The following TRIOBP variants were observed in gnomAD, a reference collection of about 807,000 sequenced individuals.
TRIOBP encodes TRIO and F-actin binding protein.
A neutral mutation model predicts 238.8 loss-of-function variants in TRIOBP; 169 were observed. The ratio of observed to expected loss-of-function variants is 0.71; its 90% confidence interval spans 0.62 to 0.80. The LOEUF (loss-of-function observed/expected upper bound fraction) is 0.80. Ranked by LOEUF, TRIOBP falls within the 30% of genes least tolerant of loss-of-function variation. The probability of loss-of-function intolerance (pLI) is 0.00; values close to 1 mark genes in which losing one functional copy is unlikely to be tolerated. For missense variants in TRIOBP, 2,838 were observed against 3,122.6 expected (o/e 0.91, Z 2.17); for synonymous variants, 1,150 against 1,274.4 (o/e 0.90, Z 2.08).
chr22:37,706,364 A>C (rs1463514612), intron 3 of TRIOBP, among the ~76,000 whole-genome samples: 3 of 152,144 alleles, frequency 2.0e-5, no homozygotes, highest in Non-Finnish European at 4.4e-5. Context: ...TCTGTGGAAG[A>C]AAGTGTGGAA....
chr22:37,740,001 T>C (rs1924858579), intron 10 of TRIOBP, among the ~76,000 whole-genome samples: 2 of 152,208 alleles, frequency 1.3e-5, no homozygotes, highest in African/African-American at 4.8e-5. Context: ...AGTGAGCACC[T>C]TCTGTATACC....
intron 21 of TRIOBP, among the ~76,000 whole-genome samples, chr22:37,770,936 C>T (rs1330271496): frequency 1.3e-5 from 2 of 152,280 alleles, no homozygotes; most frequent in African/African-American, 4.8e-5. Flanking sequence ...CCCGCCTCTG[C>T]CTCCCAAAGT....
chr22:37,766,820 G>A (rs1303172101), intron 18 of TRIOBP, among the ~76,000 whole-genome samples: 2 of 151,982 alleles, frequency 1.3e-5, no homozygotes, highest in Non-Finnish European at 2.9e-5. Flanking sequence ...AATTAGCTGG[G>A]CGTGATGGTG....
rs1236092093 is a variant in TRIOBP at position 37,723,279 on chromosome 22, C to G, written c.723C>G (p.Thr241=). ...TGGAGCGGCACCGGTCAACACTGAC[C>G]CAGGCTTCCTCCATGACACCACACA... ...LSLERHRSTL[T]QASSMTPHSG... is the part of the protein sequence containing the mutation. The change falls in exon 7 of 24, where the codon ACC becomes ACG. Residue 241 remains threonine, a synonymous_variant. Coordinates refer to ENST00000644935, the MANE Select transcript of TRIOBP (RefSeq NM_001039141.3). 15 of 1,614,058 alleles carry G rather than the reference C, an allele frequency of 9.3e-6. No individual in the cohort carries two copies. Among genetic ancestry groups the G allele is most frequent in the Non-Finnish European group, 1.2e-5 (14 of 1,179,986 alleles).
Position 37,725,573 on chromosome 22 carries a change from C to T in TRIOBP, c.3017C>T (p.Ser1006Phe). 7 of 1,613,862 alleles carry T rather than the reference C, an allele frequency of 4.3e-6. No homozygotes were observed. The highest frequency in any genetic ancestry group is 5.9e-6 in the Non-Finnish European group (7 of 1,179,996). Residue 1006 changes from serine (S) to phenylalanine (F), a missense_variant, in exon 7 of 24, where the codon TCT (serine) becomes TTT (phenylalanine). By Grantham distance (155) the Ser-to-Phe change is radical. Transcript: ENST00000644935. ...GCTGCCTATGGGGCTCCCCTGACCT[C>T]TCCTGAGCCCTCCCAGCCTCCATGT... The part of the protein sequence containing the change: ...YPAAYGAPLT[S>F]PEPSQPPCAV...
intron 6 of TRIOBP, among the ~76,000 whole-genome samples, chr22:37,716,778 C>T (rs560609469): frequency 1.3e-5 from 2 of 152,300 alleles, no homozygotes; most frequent in African/African-American, 4.8e-5. Flanking sequence ...TAAACCTGTG[C>T]CTCAGGAAGT....
intron 2 of TRIOBP, among the ~76,000 whole-genome samples, chr22:37,698,024 C>T (rs1922439418): frequency 6.6e-6 from 1 of 151,642 alleles, no homozygotes; most frequent in Non-Finnish European, 1.5e-5. Flanking sequence ...ATGGTGAAAC[C>T]TCGTCTCTAC....
At chr22:37,733,245 G>A (rs1924508484) in intron 7 of TRIOBP, 53 bp from the exon 8 acceptor site, 7 of 1,385,424 alleles carry the variant, frequency 5.1e-6, no homozygotes, top group South Asian at 1.2e-5. Flanking sequence ...CAGAGGGGCT[G>A]GGGTGCTGGG....
chr22:37,732,796 C>T lies in TRIOBP; in HGVS notation c.3948-502C>T, dbSNP rs73409486. 3.0e-3 allele frequency among the ~76,000 whole-genome samples: 454 copies of T among 152,294 alleles called. 3 individuals are homozygous for T. Among genetic ancestry groups the T allele is most frequent in the African/African-American group, 0.01 (435 of 41,564 alleles). Reference sequence around the variant, plus strand: ...CTCTGTCGTCCCACCTCGTGGGCTGCGATCATGATACAAGTGCTTGGCCCC... The same window carrying T: ...CTCTGTCGTCCCACCTCGTGGGCTGTGATCATGATACAAGTGCTTGGCCCC... On this transcript the variant is annotated intron_variant, in intron 7 of 23. Coordinates refer to ENST00000644935, the MANE Select transcript of TRIOBP (RefSeq NM_001039141.3).
Position 37,757,986 on chromosome 22 carries a change from C to G in TRIOBP, c.6061C>G (p.Arg2021Gly), listed in dbSNP as rs1350119849. ...CCCCCTGACTGAGGACCAGCAAAAC[C>G]GGCTTAGTGAGGAGATCGAGAAGAA... Reference protein sequence around the residue: ...GAPLTEDQQNRLSEEIEKKWQ... With the variant: ...GAPLTEDQQNGLSEEIEKKWQ... The change falls in exon 16 of 24, where the codon CGG becomes GGG. Residue 2021 changes from arginine to glycine, a missense_variant. Around this residue, in one of 5 missense-constraint regions of TRIOBP, gnomAD observed 2,096 missense variants for 2,137.4 expected, o/e 0.98. Coordinates refer to ENST00000644935, the MANE Select transcript of TRIOBP (RefSeq NM_001039141.3). 1 of 1,591,526 alleles carries G rather than the reference C, an allele frequency of 6.3e-7. No homozygotes were observed.
Position 37,725,377 on chromosome 22 carries a change from C to T in TRIOBP, c.2821C>T (p.Pro941Ser), listed in dbSNP as rs1924082853. 4 of 1,612,364 alleles carry T rather than the reference C, an allele frequency of 2.5e-6. No homozygotes were observed. Among genetic ancestry groups the T allele is most frequent in the African/African-American group, 1.3e-5 (1 of 74,880 alleles). Reference protein sequence around the residue: ...EVPWASIALRPTQGDRPQTSS... With the variant: ...EVPWASIALRSTQGDRPQTSS... Reference sequence around the variant, plus strand: ...TCCCTGGGCATCCATCGCCCTCCGGCCAACCCAAGGTGACAGGCCTCAGAC... The same window carrying T: ...TCCCTGGGCATCCATCGCCCTCCGGTCAACCCAAGGTGACAGGCCTCAGAC... Residue 941 changes from proline to serine, a missense_variant, in exon 7 of 24, where the codon CCA becomes TCA. Transcript: ENST00000644935.
At chr22:37,757,000 C>G (rs945564292) in intron 15 of TRIOBP, among the ~76,000 whole-genome samples, 3 of 152,170 alleles carry the variant, frequency 2.0e-5, no homozygotes, top group South Asian at 2.1e-4. Flanking sequence ...GTTCGCCCAC[C>G]CTGTCCTCAC....
At chr22:37,767,294 G>A (rs1201617223) in intron 18 of TRIOBP, among the ~76,000 whole-genome samples, 2 of 62,852 alleles carry the variant, frequency 3.2e-5, no homozygotes, top group Non-Finnish European at 7.6e-5. Flanking sequence ...GACAGAGTGA[G>A]ACTCTGTCTC....
intron 22 of TRIOBP, 168 bp downstream of exon 22, chr22:37,771,904 C>T (rs1401505506): frequency 1.4e-6 from 1 of 719,194 alleles, no homozygotes; most frequent in East Asian, 2.7e-5. Flanking sequence ...GACAGGGAAA[C>T]TGAGACTAAG....
intron 7 of TRIOBP, among the ~76,000 whole-genome samples, chr22:37,732,236 C>A (rs190024599): frequency 6.6e-6 from 1 of 151,782 alleles, no homozygotes; most frequent in Admixed American, 6.6e-5. Context: ...TCATTAACAG[C>A]CATGCCTCCC....
chr22:37,711,360 C>G (rs998200913), intron 4 of TRIOBP, among the ~76,000 whole-genome samples: 11 of 151,994 alleles, frequency 7.2e-5, no homozygotes, highest in African/African-American at 2.7e-4. Flanking sequence ...GGGCGGATCA[C>G]TTGAGGTCAG....
chr22:37,726,600 C>T, intron 7 of TRIOBP, 97 bp downstream of exon 7: 1 of 1,262,770 alleles, frequency 7.9e-7, no homozygotes, highest in Non-Finnish European at 1.0e-6. Flanking sequence ...TGTTCAAATC[C>T]CCCTGGCTTG....
chr22:37,743,294 G>C (rs1341677061), intron 11 of TRIOBP, among the ~76,000 whole-genome samples: 2 of 152,240 alleles, frequency 1.3e-5, no homozygotes, highest in Admixed American at 1.3e-4. Context: ...CTGGAGTCGA[G>C]TTCTGGCTTG....
intron 9 of TRIOBP, among the ~76,000 whole-genome samples, chr22:37,736,203 G>A (rs1924659422): frequency 5.9e-5 from 9 of 152,226 alleles, no homozygotes; most frequent in Admixed American, 4.6e-4. Flanking sequence ...TGAAGATGGT[G>A]GGCAGGGAGG....
Sources: gnomAD v4.1 joint callset for allele counts (sites outside exome capture counted in the v4.1 genomes callset) on GRCh38, gnomAD v4.1.1 for gene constraint, gnomAD v4.1.1 regional missense constraint, MANE v1.5 for transcripts, NCBI Gene and HGNC (gene_info 2026-07-23, HGNC 2026-07-21) for gene names.